The following ERC2 variants were observed in gnomAD, a reference collection of about 807,000 sequenced individuals.
The protein encoded by ERC2 is ELKS/RAB6-interacting/CAST family member 2.
ERC2 carries 42 observed loss-of-function variants against 114.8 expected under a neutral mutation model. That is an observed-to-expected ratio of 0.37 (90% CI 0.29 to 0.47). The LOEUF is 0.47. Among genes scored for constraint, ERC2 ranks in the 20% least tolerant of loss-of-function variants. The probability of loss-of-function intolerance (pLI) is 0.99; values close to 1 mark genes in which losing one functional copy is unlikely to be tolerated. For missense variants in ERC2, 939 were observed against 1,150.7 expected, an observed-to-expected ratio of 0.82 and a Z score of 2.66; for synonymous variants, 454 against 425.5, an observed-to-expected ratio of 1.07 and a Z score of -0.82.
intron 5 of ERC2, among the ~76,000 whole-genome samples, chr3:56,146,797 T>C (rs1055457252): frequency 6.6e-6 from 1 of 152,170 alleles, no homozygotes; most frequent in African/African-American, 2.4e-5. Context: ...TGGAGTCTGC[T>C]TTCATCTTCA....
chr3:56,133,314 A>G (rs2080313286), intron 6 of ERC2, among the ~76,000 whole-genome samples: 1 of 152,102 alleles, frequency 6.6e-6, no homozygotes, highest in Non-Finnish European at 1.5e-5. Context: ...TTGCATGCCT[A>G]TAATCCCAGT....
chr3:56,110,959 T>A (rs903755850), intron 6 of ERC2, among the ~76,000 whole-genome samples: 1 of 152,154 alleles, frequency 6.6e-6, no homozygotes. Flanking sequence ...CTCCTAGTTC[T>A]TTTGATTGTT....
intron 2 of ERC2, among the ~76,000 whole-genome samples, chr3:56,405,378 A>G (rs1024830680): frequency 3.9e-5 from 6 of 152,060 alleles, no homozygotes; most frequent in African/African-American, 1.4e-4. Flanking sequence ...GGTGAGCCAA[A>G]ATTGTGCCAC....
At chr3:56,205,384 T>TTTTTACAA (rs2048660855) in intron 3 of ERC2, among the ~76,000 whole-genome samples, 1 of 152,150 alleles carries the variant, frequency 6.6e-6, no homozygotes, top group Non-Finnish European at 1.5e-5. Flanking sequence ...GAGGAGTATC[T>TTTTTACAA]TTTTACAATT....
At chr3:55,770,379 G>A (rs1437100237) in intron 14 of ERC2, among the ~76,000 whole-genome samples, 3 of 152,034 alleles carry the variant, frequency 2.0e-5, no homozygotes, top group East Asian at 1.9e-4. Flanking sequence ...TTTTTTAGTC[G>A]GTTGCCAAAA....
intron 15 of ERC2, among the ~76,000 whole-genome samples, chr3:55,711,186 T>G (rs2063759202): frequency 6.6e-6 from 1 of 152,352 alleles, no homozygotes; most frequent in African/African-American, 2.4e-5. Context: ...TTCCATTTCC[T>G]TTGAGATAGG....
chr3:56,101,727 T>C (rs1482405570), intron 6 of ERC2, among the ~76,000 whole-genome samples: 1 of 152,030 alleles, frequency 6.6e-6, no homozygotes, highest in Non-Finnish European at 1.5e-5. Context: ...GCCATTGTGG[T>C]TTTAGTGTCC....
At chr3:55,928,716 T>C (rs758579055) in intron 13 of ERC2, among the ~76,000 whole-genome samples, 17 of 152,210 alleles carry the variant, frequency 1.1e-4, no homozygotes, top group Non-Finnish European at 2.2e-4. Context: ...CCCCAGTGTT[T>C]TCTTTTAGGA....
At chr3:56,173,417 T>A in intron 4 of ERC2, 29 bp downstream of exon 4, 1 of 1,606,554 alleles carries the variant, frequency 6.2e-7, no homozygotes, top group Non-Finnish European at 8.5e-7. Context: ...AAGGCATAAC[T>A]GTTTCTGACA....
intron 2 of ERC2, among the ~76,000 whole-genome samples, chr3:56,388,925 CATTA>C (rs1195009796): frequency 6.6e-6 from 1 of 151,918 alleles, no homozygotes; most frequent in Non-Finnish European, 1.5e-5. Flanking sequence ...TTAAAATCAA[CATTA>C]ATTATATTTT....
intron 15 of ERC2, among the ~76,000 whole-genome samples, chr3:55,729,867 T>TAAA (rs2065148489): frequency 2.4e-5 from 1 of 42,012 alleles, no homozygotes; most frequent in African/African-American, 1.1e-4. Context: ...AAAAAAAAAT[T>TAAA]GTAAGCTACA....
intron 14 of ERC2, among the ~76,000 whole-genome samples, chr3:55,746,245 T>C (rs1026217551): frequency 6.6e-6 from 1 of 152,134 alleles, no homozygotes; most frequent in African/African-American, 2.4e-5. Flanking sequence ...GAGTGGATTT[T>C]TTTTTTTAAA....
At chr3:55,842,920 T>TGA (rs765107977) in intron 14 of ERC2, among the ~76,000 whole-genome samples, 6 of 150,988 alleles carry the variant, frequency 4.0e-5, no homozygotes, top group Middle Eastern at 6.8e-3. Flanking sequence ...AAGGAGTGTG[T>TGA]GAGAGAGAGA....
intron 5 of ERC2, among the ~76,000 whole-genome samples, chr3:56,146,941 C>T (rs951288080): frequency 2.6e-4 from 40 of 152,164 alleles, no homozygotes; most frequent in African/African-American, 8.7e-4. Context: ...CTCAGACAAA[C>T]GTGGGCTAAT....
At chr3:55,847,279 G>A (rs1298528223) in intron 14 of ERC2, among the ~76,000 whole-genome samples, 1 of 151,672 alleles carries the variant, frequency 6.6e-6, no homozygotes, top group Admixed American at 6.6e-5. Flanking sequence ...ATTAAATGAG[G>A]ATTTTCACCC....
At chr3:56,460,144 G>A (rs1361225113) in intron 1 of ERC2, among the ~76,000 whole-genome samples, 2 of 152,216 alleles carry the variant, frequency 1.3e-5, no homozygotes, top group East Asian at 1.9e-4. Flanking sequence ...TTCCCCAGCT[G>A]AAAGAATGAG....
chr3:55,656,917 G>C (rs1575975588), intron 17 of ERC2, among the ~76,000 whole-genome samples: 1 of 152,182 alleles, frequency 6.6e-6, no homozygotes, highest in African/African-American at 2.4e-5. Context: ...TCAAAACTAG[G>C]GATGTTGGTT....
chr3:55,857,761 G>A (rs2061855829), intron 14 of ERC2, among the ~76,000 whole-genome samples: 1 of 152,170 alleles, frequency 6.6e-6, no homozygotes, highest in African/African-American at 2.4e-5. Context: ...GAGATGTCTG[G>A]CAAGATCAGC....
chr3:56,291,352 G>A (rs1363441704), intron 3 of ERC2, among the ~76,000 whole-genome samples: 1 of 152,192 alleles, frequency 6.6e-6, no homozygotes, highest in Non-Finnish European at 1.5e-5. Flanking sequence ...TGGAGTTCCT[G>A]CGCAATGGTT....
Sources: gnomAD v4.1 joint callset for allele counts (sites outside exome capture counted in the v4.1 genomes callset) on GRCh38, gnomAD v4.1.1 for gene constraint, MANE v1.5 for transcripts, NCBI Gene and HGNC (gene_info 2026-07-23, HGNC 2026-07-21) for gene names.